RAP1GAP2: variants seen among roughly 807,000 people sequenced by gnomAD.
The protein encoded by RAP1GAP2 is RAP1 GTPase activating protein 2.
In RAP1GAP2, 27 loss-of-function variants were observed where a neutral mutation model predicts 95.0. The ratio of observed to expected loss-of-function variants is 0.28; its 90% CI spans 0.21 to 0.39. The LOEUF is 0.39. Ranked by LOEUF, RAP1GAP2 falls within the 10% of genes least tolerant of loss-of-function variation. The pLI, the probability that RAP1GAP2 is intolerant of heterozygous loss-of-function variation, is 1.00. For missense variants in RAP1GAP2, 771 were observed against 970.0 expected (o/e 0.79, Z 2.72); for synonymous variants, 373 against 380.9 (o/e 0.98, Z 0.24).
Position 3,020,586 on chromosome 17 carries a change from G to C in RAP1GAP2, c.1742G>C (p.Arg581Pro). The C allele has an allele frequency of 6.2e-7, 1 of 1,613,312 alleles. No individual in the cohort carries two copies. The highest frequency in any genetic ancestry group is 8.5e-7 in the Non-Finnish European group (1 of 1,179,624). ...GGCTCAGAAGGCCAGGGCGACAGCCGGGCACGATGGTAACTGTTGGGAAAC... is the reference window on the plus strand; with the variant it reads ...GGCTCAGAAGGCCAGGGCGACAGCCCGGCACGATGGTAACTGTTGGGAAAC... Reference protein sequence around the residue: ...HTGSEGQGDSRARCDSTSSTP... With the variant: ...HTGSEGQGDSPARCDSTSSTP... The change falls in exon 19 of 25, where the codon CGG (arginine) becomes CCG (proline). Residue 581 changes from arginine (R) to proline (P), a missense_variant. Transcript: ENST00000254695.
In RAP1GAP2 at chr17:3,032,327, G is replaced by C; in HGVS notation, c.2185-84G>C. Reference sequence around the variant, plus strand: ...CCCTTCCTGAGCTCACCAGACTGTTGAGAGCTGAGTGCACAGAGCCGCCGT... The same window carrying C: ...CCCTTCCTGAGCTCACCAGACTGTTCAGAGCTGAGTGCACAGAGCCGCCGT... On this transcript the variant is annotated intron_variant, in intron 23 of 24. Transcript: ENST00000254695. The C allele has an allele frequency of 2.0e-6, 3 of 1,514,682 alleles. No individual in the cohort carries two copies. In the South Asian group the frequency reaches 3.4e-5, roughly 17 times the overall value. 93.8% of individuals were successfully genotyped at this position (1,514,682 alleles called of 1,614,324 possible). A position where few individuals can be genotyped will look rare whatever the true frequency, so the allele number is the denominator to read the frequency against.
intron 17 of RAP1GAP2, among the ~76,000 whole-genome samples, chr17:3,009,187 A>G (rs945537550): frequency 5.9e-5 from 9 of 152,034 alleles, no homozygotes; most frequent in African/African-American, 2.2e-4. Flanking sequence ...AGGAAGCAGG[A>G]CCCCTGTCAG....
chr17:2,947,690 T>C lies in RAP1GAP2; in HGVS notation c.166-10069T>C, dbSNP rs575607647. Among the ~76,000 whole-genome samples the C allele has an allele frequency of 6.8e-4, 103 of 152,016 alleles. 1 individual carries two copies. In the Middle Eastern group the frequency reaches 0.02, roughly 30 times the overall value. On this transcript the variant is annotated intron_variant, in intron 3 of 24. Coordinates refer to ENST00000254695, the MANE Select transcript of RAP1GAP2 (RefSeq NM_015085.5). ...CGGCTGGTTCTCATCCTGCTTGCCC[T>C]GTGGATGGGGACTTCTGGACCGGTA...
chr17:2,769,231 CTAAAAAAAAAAAAAAA>C (rs2068337852), intron 1 of RAP1GAP2, among the ~76,000 whole-genome samples: 1 of 61,374 alleles, frequency 1.6e-5, no homozygotes, highest in African/African-American at 7.1e-5. Flanking sequence ...AACCATTTCT[CTAAAAAAAAAAAAAAA>C]AAAAAAAAAA....
At chr17:2,818,498 A>AT (rs574815706) in intron 2 of RAP1GAP2, among the ~76,000 whole-genome samples, 11 of 149,132 alleles carry the variant, frequency 7.4e-5, no homozygotes, top group East Asian at 2.0e-4. Context: ...TAATTTTTGT[A>AT]TTTTTTTTTA....
chr17:3,011,548 C>T (rs907900382), intron 17 of RAP1GAP2, among the ~76,000 whole-genome samples: 3 of 151,142 alleles, frequency 2.0e-5, no homozygotes, highest in Non-Finnish European at 4.4e-5. Context: ...GCTCTTGAAA[C>T]AAGTGATACC....
At chr17:2,826,266 A>G (rs1247486001) in intron 2 of RAP1GAP2, among the ~76,000 whole-genome samples, 1 of 145,838 alleles carries the variant, frequency 6.9e-6, no homozygotes, top group African/African-American at 2.6e-5. Flanking sequence ...AAGTGCTGGG[A>G]TTACAGGCGT....
At chr17:2,829,994 T>C (rs1206311562) in intron 2 of RAP1GAP2, among the ~76,000 whole-genome samples, 1 of 152,140 alleles carries the variant, frequency 6.6e-6, no homozygotes, top group Non-Finnish European at 1.5e-5. Context: ...AGTTAAAGTT[T>C]ACAGTATTTT....
At chr17:2,960,826 C>T (rs775670154) in intron 4 of RAP1GAP2, among the ~76,000 whole-genome samples, 1 of 152,182 alleles carries the variant, frequency 6.6e-6, no homozygotes, top group African/African-American at 2.4e-5. Context: ...GTTTGTGTAC[C>T]GTCTCATACT....
At chr17:2,962,301 C>A in intron 4 of RAP1GAP2, 1 of 270,130 alleles carries the variant, frequency 3.7e-6, no homozygotes, top group Non-Finnish European at 7.0e-6. Flanking sequence ...AGTGCTCAAC[C>A]CATTGTTAAC....
In RAP1GAP2 at chr17:2,866,748, C is replaced by T. The variant is rs544670940; in HGVS notation, c.81-38536C>T. Among the ~76,000 whole-genome samples, 17 of 151,514 alleles carry T rather than the reference C, an allele frequency of 1.1e-4. No individual in the cohort carries two copies. Among genetic ancestry groups the T allele is most frequent in the African/African-American group, 4.1e-4 (17 of 41,252 alleles). Reference sequence around the variant, plus strand: ...CCGAGTAGCTGGGATTACAGGTGTCCGCCACCAGGTCCGGCTAATTTTTAT... The same window carrying T: ...CCGAGTAGCTGGGATTACAGGTGTCTGCCACCAGGTCCGGCTAATTTTTAT... On this transcript the variant is annotated intron_variant, in intron 2 of 24. Transcript: ENST00000254695. This position sits in a 1 kb window ranked among gnomAD's most constrained non-coding sequence, Gnocchi z 4.0.
chr17:2,962,448 C>T (rs537368972), intron 4 of RAP1GAP2: 100 of 514,632 alleles, frequency 1.9e-4, no homozygotes, highest in East Asian at 6.2e-4. Flanking sequence ...TGAACCCCGG[C>T]GATCTGGCTC....
At chr17:2,801,474 C>A (rs1157375558) in intron 2 of RAP1GAP2, among the ~76,000 whole-genome samples, 75 of 139,582 alleles carry the variant, frequency 5.4e-4, no homozygotes, top group African/African-American at 8.3e-4. Flanking sequence ...GACTCTGTCT[C>A]AAAAAAAAAA....
chr17:2,810,089 T>G (rs2151496111), intron 2 of RAP1GAP2, among the ~76,000 whole-genome samples: 1 of 134,526 alleles, frequency 7.4e-6, no homozygotes, highest in East Asian at 2.5e-4. Context: ...GAGGCTATGC[T>G]GGGACCGGGG....
At chr17:2,760,288 G>C (rs1303022675) in intron 1 of RAP1GAP2, among the ~76,000 whole-genome samples, 3 of 80,888 alleles carry the variant, frequency 3.7e-5, no homozygotes, top group Non-Finnish European at 6.5e-5. Context: ...GCGAGACTCT[G>C]TCTCAAAAAA....
intron 1 of RAP1GAP2, among the ~76,000 whole-genome samples, chr17:2,781,692 CTG>C (rs569333438): frequency 1.0e-4 from 14 of 134,596 alleles, no homozygotes; most frequent in African/African-American, 3.4e-4. Flanking sequence ...GTGCAGGTCT[CTG>C]TGTGTGCACG....
upstream of RAP1GAP2, among the ~76,000 whole-genome samples, chr17:2,773,559 T>C (rs1407461060): frequency 6.6e-6 from 1 of 152,010 alleles, no homozygotes. Context: ...GTGTGACCAG[T>C]GTGCTGGCGA....
chr17:3,032,190 G>T (rs1366634306), intron 23 of RAP1GAP2, among the ~76,000 whole-genome samples: 1 of 149,472 alleles, frequency 6.7e-6, no homozygotes, highest in Non-Finnish European at 1.5e-5. Context: ...CCAGATGTGA[G>T]GTGGGAAGGG....
chr17:3,020,946 C>A (rs926488320), intron 19 of RAP1GAP2, among the ~76,000 whole-genome samples: 1 of 152,220 alleles, frequency 6.6e-6, no homozygotes, highest in Non-Finnish European at 1.5e-5. Context: ...GTTAGTTGCA[C>A]CTTCCTCTGG....
Sources: allele counts gnomAD v4.1 joint callset (sites outside exome capture counted in the v4.1 genomes callset), GRCh38; gene constraint gnomAD v4.1.1; non-coding constraint Gnocchi (gnomAD v3.1); transcripts MANE v1.5; gene names NCBI Gene and HGNC (gene_info 2026-07-23, HGNC 2026-07-21).